The following CCHCR1 variants were observed in gnomAD, a reference collection of about 807,000 sequenced individuals.
CCHCR1 encodes HCR (a-helix coiled-coil rod homologue).
Under a neutral mutation model 114.6 loss-of-function variants are expected in CCHCR1, and 91 were observed. The observed-to-expected ratio is 0.79, with a 90% CI of 0.67 to 0.94. The LOEUF is 0.94. Ranked by LOEUF, CCHCR1 falls within the 40% of genes least tolerant of loss-of-function variation. The pLI, the probability that CCHCR1 is intolerant of heterozygous loss-of-function variation, is 0.00. For missense variants in CCHCR1, 899 were observed against 1,079.9 expected, an observed-to-expected ratio of 0.83 and a Z score of 2.35; for synonymous variants, 379 against 428.5, an observed-to-expected ratio of 0.88 and a Z score of 1.43.
chr6:31,143,162 C>T lies in CCHCR1; in HGVS notation c.2320-28G>A, dbSNP rs981375830. Reference sequence around the variant, plus strand: ...GGGAAGGAGAGGGTTAAACCTAGCCCGGATAGAGCCTCCCTCACCATCCTC... The same window carrying T: ...GGGAAGGAGAGGGTTAAACCTAGCCTGGATAGAGCCTCCCTCACCATCCTC... On this transcript the variant is annotated intron_variant, in intron 16 of 17. Transcript: ENST00000396268. This position sits in a 1 kb window ranked among gnomAD's most constrained non-coding sequence, Gnocchi z 5.3. 3.1e-6 allele frequency: 5 copies of T among 1,611,296 alleles called. No homozygotes were observed. The highest frequency in any genetic ancestry group is 3.4e-6 in the Non-Finnish European group (4 of 1,179,118).
Position 31,150,461 on chromosome 6 carries a change from G to A in CCHCR1, c.1206C>T (p.Thr402=). 6.2e-7 allele frequency: 1 copy of A among 1,611,220 alleles called. No homozygotes were observed. The highest frequency in any genetic ancestry group is 8.5e-7 in the Non-Finnish European group (1 of 1,178,978). The part of the protein sequence containing the change: ...HILALQEEEL[T]RKVQPSDSLE... ...TCTGGGGGTTGGGCTGTACCTTCCTGGTCAGCTCCTCCTCCTGCAGGGCGA... is the reference window on the plus strand; with the variant it reads ...TCTGGGGGTTGGGCTGTACCTTCCTAGTCAGCTCCTCCTCCTGCAGGGCGA... The change falls in exon 7 of 18, where the codon ACC becomes ACT. Residue 402 remains threonine (T), a synonymous_variant. Coordinates refer to ENST00000396268, the MANE Select transcript of CCHCR1 (RefSeq NM_001105564.2). This position sits in a 1 kb window ranked among gnomAD's most constrained non-coding sequence, Gnocchi z 5.3.
At chr6:31,157,975 T>G, upstream of CCHCR1, 1 of 299,418 alleles carries the variant, frequency 3.3e-6, no homozygotes. Context: ...GGCTCTACTC[T>G]CCCACCACTG....
chr6:31,147,949 G>A lies in CCHCR1; in HGVS notation c.1580+456C>T, dbSNP rs567731777. Among the ~76,000 whole-genome samples the A allele has an allele frequency of 1.1e-4, 16 of 152,244 alleles. No individual in the cohort carries two copies. The South Asian group carries it at 3.3e-3, about 32-fold the overall frequency. On this transcript the variant is annotated intron_variant, in intron 10 of 17. Coordinates refer to ENST00000396268, the MANE Select transcript of CCHCR1 (RefSeq NM_001105564.2). ...GCCAAGATTGCGCCATTGCACTCCAGCCTGGGTGACAGAGCGAGACTTTGT... is the reference window on the plus strand; with the variant it reads ...GCCAAGATTGCGCCATTGCACTCCAACCTGGGTGACAGAGCGAGACTTTGT...
At chr6:31,152,790 A>G (rs1027706222) in intron 4 of CCHCR1, among the ~76,000 whole-genome samples, 1 of 150,840 alleles carries the variant, frequency 6.6e-6, no homozygotes, top group African/African-American at 2.4e-5. Flanking sequence ...CATTGCTCTT[A>G]TGGGAAAGTA....
chr6:31,148,029 G>A (rs17190680), intron 10 of CCHCR1, among the ~76,000 whole-genome samples: 88 of 152,028 alleles, frequency 5.8e-4, no homozygotes, highest in Non-Finnish European at 1.0e-3. Flanking sequence ...CGGATTGCCC[G>A]TAAAATTTTA....
rs758655734 is a variant in CCHCR1, at chr6:31,148,528, A to G, written c.1474-17T>C. 1.2e-6 allele frequency: 2 copies of G among 1,604,948 alleles called. No homozygotes were observed. Among genetic ancestry groups the G allele is most frequent in the Non-Finnish European group, 1.7e-6 (2 of 1,172,884 alleles). The stretch of plus-strand genomic sequence containing the variant: ...CTGCAGGCCCTGGGGAGGATGCAGC[A>G]AAGGACAGGGTCCCTCCCTAAGTCC... On this transcript the variant is annotated splice_polypyrimidine_tract_variant and intron_variant, in intron 9 of 17. Transcript: ENST00000396268.
chr6:31,150,132 G>A lies in CCHCR1; in HGVS notation c.1296C>T (p.Ala432=). ...LLNRWREKVF[A]LMVQLKAQEL... ...CCTGGGCCTTTAGCTGCACCATGAG[G>A]GCAAACACCTTCTCCCGCCAGCGGT... The change falls in exon 8 of 18, where the codon GCC becomes GCT. Residue 432 remains alanine, a synonymous_variant. Transcript: ENST00000396268. The surrounding 1 kb of genome is among the most constrained non-coding windows in gnomAD (Gnocchi z 5.3). 1 of 1,614,194 alleles carries A rather than the reference G, an allele frequency of 6.2e-7. No individual in the cohort carries two copies. The highest frequency in any genetic ancestry group is 8.5e-7 in the Non-Finnish European group (1 of 1,180,022).
chr6:31,144,590 A>T lies in CCHCR1; in HGVS notation c.2167+97T>A. Reference sequence around the variant, plus strand: ...CCTGGATACCTTCATTACTTCCTGTAATGAAGCTTTGAACACACTTTGAGG... The same window carrying T: ...CCTGGATACCTTCATTACTTCCTGTTATGAAGCTTTGAACACACTTTGAGG... On this transcript the variant is annotated intron_variant, in intron 15 of 17. Coordinates refer to ENST00000396268, the MANE Select transcript of CCHCR1 (RefSeq NM_001105564.2). The surrounding 1 kb of genome is among the most constrained non-coding windows in gnomAD (Gnocchi z 4.6). 2 of 764,014 alleles carry T rather than the reference A, an allele frequency of 2.6e-6. No homozygotes were observed. Among genetic ancestry groups the T allele is most frequent in the Non-Finnish European group, 4.4e-6 (2 of 455,696 alleles). 47.3% of individuals were successfully genotyped at this position (764,014 alleles called of 1,614,324 possible).
chr6:31,154,743 C>G lies in CCHCR1; in HGVS notation c.554G>C (p.Arg185Pro). 1 of 1,607,192 alleles carries G rather than the reference C, an allele frequency of 6.2e-7. No homozygotes were observed. Among genetic ancestry groups the G allele is most frequent in the Non-Finnish European group, 8.5e-7 (1 of 1,179,736 alleles). ...CAGCCGCCGCAGCTCTTGCAGCTGC[C>G]GAACGATCACCTCAGCCTGCTGGCT... Reference protein sequence around the residue: ...ALSQQAEVIVRQLQELRRLEE... With the variant: ...ALSQQAEVIVPQLQELRRLEE... Residue 185 changes from arginine (R) to proline (P), a missense_variant, in exon 4 of 18, where the codon CGG (arginine) becomes CCG (proline). Physicochemically the swap from Arg to Pro is moderately radical, Grantham distance 103. Coordinates refer to ENST00000396268, the MANE Select transcript of CCHCR1 (RefSeq NM_001105564.2). The surrounding 1 kb of genome is among the most constrained non-coding windows in gnomAD (Gnocchi z 4.1).
In CCHCR1 at chr6:31,144,931, G is replaced by A. The variant is rs776217188; in HGVS notation, c.2019C>T (p.Ala673=). The change falls in exon 14 of 18, where the codon GCC becomes GCT. Residue 673 remains alanine, a synonymous_variant. Coordinates refer to ENST00000396268, the MANE Select transcript of CCHCR1 (RefSeq NM_001105564.2). This position sits in a 1 kb window ranked among gnomAD's most constrained non-coding sequence, Gnocchi z 4.6. The stretch of plus-strand genomic sequence containing the variant: ...GCTGGGTCAGCTCCTGCCGCAGACT[G>A]GCAGCCTCCTCTGTGCTCTCCTGCT... ...QGQQESTEEA[A]SLRQELTQQQ... is the part of the protein sequence containing the mutation. 1.9e-6 allele frequency: 3 copies of A among 1,612,752 alleles called. No homozygotes were observed. The Admixed American group carries it at 5.0e-5, about 27-fold the overall frequency.
In CCHCR1 at chr6:31,145,508, G is replaced by T. The variant is rs1774202223; in HGVS notation, c.1694-15C>A. On this transcript the variant is annotated splice_polypyrimidine_tract_variant and intron_variant, in intron 11 of 17. Transcript: ENST00000396268. ...AGCAATCAGGCCTGGAGGGGAAAAA[G>T]CAGGGAGAAAAAGAGATGAAGTTTG... 1 of 1,613,674 alleles carries T rather than the reference G, an allele frequency of 6.2e-7. No individual in the cohort carries two copies. The highest frequency in any genetic ancestry group is 8.5e-7 in the Non-Finnish European group (1 of 1,179,722).
At chr6:31,142,870 C>T (rs1581890099) in intron 17 of CCHCR1, 93 bp downstream of exon 17, 2 of 1,498,466 alleles carry the variant, frequency 1.3e-6, no homozygotes, top group African/African-American at 1.4e-5. Flanking sequence ...CTCGAAGGAC[C>T]GCAGAGAACA....
At position 31,147,043 on chromosome 6, in the gene CCHCR1, A is replaced by T. The variant is rs12523890; in HGVS notation, c.1581-1235T>A. Among the ~76,000 whole-genome samples, 581 of 152,296 alleles carry T rather than the reference A, an allele frequency of 3.8e-3. 4 individuals are homozygous for T. Among genetic ancestry groups the T allele is most frequent in the Admixed American group, 0.016 (242 of 15,300 alleles). On this transcript the variant is annotated intron_variant, in intron 10 of 17. Coordinates refer to ENST00000396268, the MANE Select transcript of CCHCR1 (RefSeq NM_001105564.2). ...CTAAACCAAAAATTATCTTTATCTA[A>T]ATTAACCCATCAAGAAGAGCCTCAC...
At chr6:31,156,262 A>C (rs1284291280) in intron 3 of CCHCR1, 2 of 159,136 alleles carry the variant, frequency 1.3e-5, no homozygotes, top group African/African-American at 4.8e-5. Flanking sequence ...AAATGGCAGA[A>C]TGATATCCCA....
At chr6:31,148,362 G>A in intron 10 of CCHCR1, 43 bp downstream of exon 10, 1 of 1,246,510 alleles carries the variant, frequency 8.0e-7, no homozygotes, top group Non-Finnish European at 1.1e-6. Flanking sequence ...AGGAACCTGA[G>A]GTGGCAGAAA....
At position 31,145,770 on chromosome 6, in the gene CCHCR1, TC is replaced by T. The variant is rs1309761390; in HGVS notation, c.1618del (p.Glu540LysfsTer27). ...GCTGGGAAGCTGGGCGGCAGCCCCT[TC>T]CACCTTAGCCATGGTGGTCTCGAGC... Reference protein sequence around the residue: ...IWLETTMAKVEGAAAQLPSLN... With the variant: ...IWLETTMAKVXGAAAQLPSLN... On this transcript the variant is annotated frameshift_variant, in exon 11 of 18. Coordinates refer to ENST00000396268, the MANE Select transcript of CCHCR1 (RefSeq NM_001105564.2). LOFTEE classifies it high-confidence loss of function. 5.6e-6 allele frequency: 9 copies of T among 1,612,880 alleles called. No homozygotes were observed.
At position 31,150,379 on chromosome 6, in the gene CCHCR1, G is replaced by A. The variant is rs1484342728; in HGVS notation, c.1212+76C>T. The A allele has an allele frequency of 1.4e-6, 2 of 1,391,182 alleles. No homozygotes were observed. Among genetic ancestry groups the A allele is most frequent in the Non-Finnish European group, 1.0e-6 (1 of 990,520 alleles). The allele number at this position is 1,391,182 out of a possible 1,614,324, so 86.2% of individuals were successfully genotyped here. ...GTTCTGGGGCACATTGACCCCTCCT[G>A]CCCACAGGGAGGGAGGCAGGGGACA... On this transcript the variant is annotated intron_variant, in intron 7 of 17. Transcript: ENST00000396268. The surrounding 1 kb of genome is among the most constrained non-coding windows in gnomAD (Gnocchi z 5.3).
intron 13 of CCHCR1, 37 bp from the exon 14 acceptor site, chr6:31,145,110 C>T: frequency 6.2e-7 from 1 of 1,602,268 alleles, no homozygotes; most frequent in Non-Finnish European, 8.5e-7. Flanking sequence ...CCTCTCCCAG[C>T]ACCCTAGACA....
Position 31,145,009 on chromosome 6 carries a change from G to A in CCHCR1, c.1941C>T (p.Thr647=). 6.2e-7 allele frequency: 1 copy of A among 1,606,236 alleles called. No individual in the cohort carries two copies. Among genetic ancestry groups the A allele is most frequent in the Non-Finnish European group, 8.5e-7 (1 of 1,179,702 alleles). ...GCCCCAAGCTAGCCAGGGACTCCTGGGTCTGCTGCAGCTCCTGCTCCAGCT... is the reference window on the plus strand; with the variant it reads ...GCCCCAAGCTAGCCAGGGACTCCTGAGTCTGCTGCAGCTCCTGCTCCAGCT... ...AQQLEQELQQ[T]QESLASLGLQ... The change falls in exon 14 of 18, where the codon ACC becomes ACT. Residue 647 remains threonine (T), a synonymous_variant. Coordinates refer to ENST00000396268, the MANE Select transcript of CCHCR1 (RefSeq NM_001105564.2).
Sources: gnomAD v4.1 joint callset for allele counts (sites outside exome capture counted in the v4.1 genomes callset) on GRCh38, gnomAD v4.1.1 for gene constraint, Gnocchi (gnomAD v3.1) non-coding constraint, MANE v1.5 for transcripts, NCBI Gene and HGNC (gene_info 2026-07-23, HGNC 2026-07-21) for gene names.